The following IFNGR2 variants were observed in gnomAD, a reference collection of about 807,000 sequenced individuals.
IFNGR2 encodes the protein interferon gamma receptor 2.
In IFNGR2, 15 loss-of-function variants were observed where a neutral mutation model predicts 41.1. That is an observed-to-expected ratio of 0.37 (90% confidence interval 0.24 to 0.56). The LOEUF (loss-of-function observed/expected upper bound fraction) is 0.56. Ranked by LOEUF, IFNGR2 falls within the 20% of genes least tolerant of loss-of-function variation. IFNGR2 has a pLI of 0.81. For missense variants in IFNGR2, 362 were observed against 415.7 expected (o/e 0.87, Z 1.12); for synonymous variants, 161 against 171.6 (o/e 0.94, Z 0.48).
chr21:33,411,326 C>T, intron 1 of IFNGR2: 1 of 396,986 alleles, frequency 2.5e-6, no homozygotes, highest in Non-Finnish European at 5.2e-6. Flanking sequence ...GTCCCCTCGC[C>T]ACCCACCCCG....
chr21:33,429,527 G>A lies in IFNGR2; in HGVS notation c.561+2495G>A, dbSNP rs374968983. On this transcript the variant is annotated intron_variant, in intron 4 of 6. Coordinates refer to ENST00000290219, the MANE Select transcript of IFNGR2 (RefSeq NM_005534.4). ...TCGGCAAAGGGAAGAGGCACATGGA[G>A]GAAAGTCCGCAGGTGTCCAGGGGTA... Among the ~76,000 whole-genome samples, 31 of 152,304 alleles carry A rather than the reference G, an allele frequency of 2.0e-4. No homozygotes were observed. In the East Asian group the frequency reaches 2.7e-3, roughly 13 times the overall value.
At position 33,437,239 on chromosome 21, in the gene IFNGR2, G is replaced by A. The variant is rs1317112513; in HGVS notation, c.*277G>A. 2.4e-6 allele frequency: 1 copy of A among 408,436 alleles called. No homozygotes were observed. The highest frequency in any genetic ancestry group is 5.0e-5 in the East Asian group (1 of 19,810). 25.3% of individuals were successfully genotyped at this position (408,436 alleles called of 1,614,324 possible). Reference sequence around the variant, plus strand: ...ACACTAAAAAGGCATGTAATTGCTTGTTAGCAAAATGGATATGACACATCT... The same window carrying A: ...ACACTAAAAAGGCATGTAATTGCTTATTAGCAAAATGGATATGACACATCT... On this transcript the variant is annotated 3_prime_UTR_variant, in exon 7 of 7. Coordinates refer to ENST00000290219, the MANE Select transcript of IFNGR2 (RefSeq NM_005534.4).
rs141609920 is a variant in IFNGR2, at chr21:33,421,522, G to A, written c.249G>A (p.Gly83=). 60 of 1,613,862 alleles carry A rather than the reference G, an allele frequency of 3.7e-5. No homozygotes were observed. The highest frequency in any genetic ancestry group is 5.3e-5 in the African/African-American group (4 of 74,868). ...TCACGGCCGACATCATGTCCATAGG[G>A]GTGAATTGTACACAGATCACAGCAA... ...KWFTADIMSI[G]VNCTQITATE... The change falls in exon 3 of 7, where the codon GGG becomes GGA. Residue 83 remains glycine (G), a synonymous_variant. Transcript: ENST00000290219.
At chr21:33,436,732 A>C in intron 6 of IFNGR2, 96 bp from the exon 7 acceptor site, 1 of 1,026,588 alleles carries the variant, frequency 9.7e-7, no homozygotes, top group Non-Finnish European at 1.4e-6. Context: ...AAAAAAAATA[A>C]AAATAAAAAT....
chr21:33,410,863 AATGGTGCAATGATTCAGCAGCTACTC>A, intron 1 of IFNGR2: 2 of 1,548,348 alleles, frequency 1.3e-6, no homozygotes, highest in Non-Finnish European at 1.7e-6. Flanking sequence ...ACCTACCAAG[AATGGTGCAATGATTCAGCAGCTACTC>A]ATGGTAAGAC....
At position 33,413,826 on chromosome 21, in the gene IFNGR2, C is replaced by CTTTTTTTT. The variant is rs3057381; in HGVS notation, c.74-1046_74-1039dup. 2.3e-4 allele frequency among the ~76,000 whole-genome samples: 14 copies of CTTTTTTTT among 61,738 alleles called. 1 individual carries two copies. The highest frequency in any genetic ancestry group is 2.8e-4 in the Non-Finnish European group (10 of 35,738). 40.5% of individuals were successfully genotyped at this position (61,738 alleles called of 152,430 possible). A position where few individuals can be genotyped will look rare whatever the true frequency, so the allele number is the denominator to read the frequency against. ...CTTTCTCTGTTTATTGCCCCCTAAC[C>CTTTTTTTT]TTTTTTTTTTTTTTTTTTTTTTTGG... On this transcript the variant is annotated intron_variant, in intron 1 of 6. Coordinates refer to ENST00000290219, the MANE Select transcript of IFNGR2 (RefSeq NM_005534.4).
chr21:33,421,181 A>C (rs2083788691), intron 2 of IFNGR2, among the ~76,000 whole-genome samples: 1 of 151,918 alleles, frequency 6.6e-6, no homozygotes, highest in South Asian at 2.1e-4. Context: ...AAAATACAAA[A>C]ATTACCTGGG....
intron 3 of IFNGR2, among the ~76,000 whole-genome samples, chr21:33,423,667 G>A (rs2083813438): frequency 6.6e-6 from 1 of 152,002 alleles, no homozygotes; most frequent in African/African-American, 2.4e-5. Context: ...CTCCCAAAGT[G>A]CTAGGATTAC....
At chr21:33,433,238 C>G (rs1375558324) in intron 6 of IFNGR2, among the ~76,000 whole-genome samples, 2 of 152,234 alleles carry the variant, frequency 1.3e-5, no homozygotes, top group Non-Finnish European at 2.9e-5. Flanking sequence ...CTGGCAACCC[C>G]TAAGAGTGCA....
intron 3 of IFNGR2, among the ~76,000 whole-genome samples, chr21:33,424,645 A>G (rs2083820739): frequency 6.6e-6 from 1 of 152,042 alleles, no homozygotes; most frequent in South Asian, 2.1e-4. Flanking sequence ...TCATATCCCA[A>G]CTCTGCCATT....
chr21:33,426,240 CTG>C (rs1354269411), intron 3 of IFNGR2, among the ~76,000 whole-genome samples: 2 of 152,046 alleles, frequency 1.3e-5, no homozygotes, highest in African/African-American at 4.8e-5. Flanking sequence ...TAGTGAAACC[CTG>C]TCTCTACTAA....
At chr21:33,405,855 A>C (rs1031077976) in intron 1 of IFNGR2, among the ~76,000 whole-genome samples, 1 of 151,814 alleles carries the variant, frequency 6.6e-6, no homozygotes, top group African/African-American at 2.4e-5. Flanking sequence ...ACAATGATGA[A>C]ACCCCGTCTC....
chr21:33,432,999 C>T (rs535886101), intron 6 of IFNGR2, 128 bp downstream of exon 6: 12 of 777,158 alleles, frequency 1.5e-5, no homozygotes, highest in African/African-American at 1.4e-4. Flanking sequence ...GATTCTCCTG[C>T]CTCAGCCTCC....
intron 2 of IFNGR2, among the ~76,000 whole-genome samples, chr21:33,416,003 G>A (rs2083750859): frequency 6.6e-6 from 1 of 152,178 alleles, no homozygotes; most frequent in Admixed American, 6.5e-5. Context: ...CTACAGGCAT[G>A]AGCTACCATG....
At position 33,437,357 on chromosome 21, in the gene IFNGR2, G is replaced by C; in HGVS notation, c.*395G>C. ...AAATGAGCCGGAGCCCCTTGGGCAGGTCACACAACCTGTCCCAGCGAGGGA... is the reference window on the plus strand; with the variant it reads ...AAATGAGCCGGAGCCCCTTGGGCAGCTCACACAACCTGTCCCAGCGAGGGA... On this transcript the variant is annotated 3_prime_UTR_variant, in exon 7 of 7. Transcript: ENST00000290219. 1 of 214,764 alleles carries C rather than the reference G, an allele frequency of 4.7e-6. No homozygotes were observed. The highest frequency in any genetic ancestry group is 6.8e-5 in the South Asian group (1 of 14,714). 13.3% of individuals were successfully genotyped at this position (214,764 alleles called of 1,614,324 possible).
chr21:33,414,564 C>G (rs970307426), intron 1 of IFNGR2, among the ~76,000 whole-genome samples: 1 of 152,208 alleles, frequency 6.6e-6, no homozygotes, highest in African/African-American at 2.4e-5. Flanking sequence ...GAGCCTAATG[C>G]AGTTACTAAT....
chr21:33,429,160 C>A (rs946856728), intron 4 of IFNGR2, among the ~76,000 whole-genome samples: 1 of 152,214 alleles, frequency 6.6e-6, no homozygotes, highest in Non-Finnish European at 1.5e-5. Flanking sequence ...GCCCCCAAGT[C>A]CCTTTCCTCC....
intron 2 of IFNGR2, among the ~76,000 whole-genome samples, chr21:33,417,281 G>A (rs1413258421): frequency 6.6e-6 from 1 of 151,942 alleles, no homozygotes; most frequent in Non-Finnish European, 1.5e-5. Flanking sequence ...GAAGAGATGG[G>A]GTTTTGCCAT....
chr21:33,404,042 GA>G (rs2083660327), intron 1 of IFNGR2, among the ~76,000 whole-genome samples: 2 of 152,264 alleles, frequency 1.3e-5, no homozygotes, highest in African/African-American at 2.4e-5. Flanking sequence ...CCCGCGCCGG[GA>G]AAGCCAGCGT....
Sources: allele counts gnomAD v4.1 joint callset (sites outside exome capture counted in the v4.1 genomes callset), GRCh38; gene constraint gnomAD v4.1.1; transcripts MANE v1.5; gene names NCBI Gene and HGNC (gene_info 2026-07-23, HGNC 2026-07-21).